NYX: variants seen among roughly 807,000 people sequenced by gnomAD.
The protein encoded by NYX is leucine-rich repeat protein.
For synonymous variants in NYX, 258 were observed against 245.7 expected, an observed-to-expected ratio of 1.05 and a Z score of -0.47; for missense variants, 481 against 485.4, an observed-to-expected ratio of 0.99 and a Z score of 0.09.
rs1399309345 is a variant in NYX, at chrX:41,475,577, A to AG, written c.*683dup. On this transcript the variant is annotated 3_prime_UTR_variant, in exon 3 of 3. Coordinates refer to ENST00000378220, the MANE Select transcript of NYX (RefSeq NM_001378477.3). Reference sequence around the variant, plus strand: ...GCAGGGTAGGGAAAAAAGGGGCAGCAGGGGGTGTGTTTGTGGACAAATAAA... The same window carrying AG: ...GCAGGGTAGGGAAAAAAGGGGCAGCAGGGGGGTGTGTTTGTGGACAAATAAA... 1 of 111,243 alleles carries AG rather than the reference A, an allele frequency of 9.0e-6. No individual in the cohort carries two copies. Among genetic ancestry groups the AG allele is most frequent in the African/African-American group, 3.3e-5 (1 of 30,548 alleles). 9.2% of individuals were successfully genotyped at this position (111,243 alleles called of 1,213,427 possible).
At chrX:41,460,740 T>C (rs1318995855) in intron 2 of NYX, among the ~76,000 whole-genome samples, 2 of 109,261 alleles carry the variant, frequency 1.8e-5, no homozygotes, top group Non-Finnish European at 3.8e-5. Context: ...CCCCCAAGAA[T>C]CATGCCCCAT....
intron 2 of NYX, among the ~76,000 whole-genome samples, chrX:41,450,828 ATTT>A (rs745395959): frequency 0.019 from 1,315 of 68,054 alleles, 35 homozygotes; most frequent in Admixed American, 0.065. Flanking sequence ...ATATATATAT[ATTT>A]TTTTTTTTTT....
intron 2 of NYX, among the ~76,000 whole-genome samples, chrX:41,448,649 C>G (rs1380835504): frequency 9.4e-6 from 1 of 106,811 alleles, no homozygotes; most frequent in Admixed American, 1.0e-4. Context: ...ACCTCCGCCT[C>G]CCGGGTTCAA....
chrX:41,464,384 C>G (rs1244826755), intron 2 of NYX, among the ~76,000 whole-genome samples: 1 of 111,212 alleles, frequency 9.0e-6, no homozygotes. Context: ...AGCGATCCAC[C>G]CACCTCGGCC....
Position 41,475,088 on chromosome X carries a change from C to T in NYX, c.*189C>T, listed in dbSNP as rs2064385848. 4 of 460,733 alleles carry T rather than the reference C, an allele frequency of 8.7e-6. No homozygotes were observed. Among genetic ancestry groups the T allele is most frequent in the Non-Finnish European group, 1.5e-5 (4 of 262,883 alleles). 38.0% of individuals were successfully genotyped at this position (460,733 alleles called of 1,213,427 possible). A position where few individuals can be genotyped will look rare whatever the true frequency, so the allele number is the denominator to read the frequency against. ...AGGGGGAGGATGGTATGGATTTCTG[C>T]TTTTGTCACACGGGCATCCATTGGA... is the stretch of plus-strand genomic sequence containing the variant. On this transcript the variant is annotated 3_prime_UTR_variant, in exon 3 of 3. Coordinates refer to ENST00000378220, the MANE Select transcript of NYX (RefSeq NM_001378477.3).
At chrX:41,472,479 G>A in intron 2 of NYX, 1 of 750,368 alleles carries the variant, frequency 1.3e-6, no homozygotes, top group Admixed American at 2.4e-5. Context: ...AGGGCGGCTC[G>A]GGCCCGCTGC....
Position 41,473,858 on chromosome X carries a change from C to T in NYX, c.390C>T (p.Ser130=). Residue 130 remains serine (S), a synonymous_variant, in exon 3 of 3, where the codon AGC becomes AGT. Coordinates refer to ENST00000378220, the MANE Select transcript of NYX (RefSeq NM_001378477.3). ...ACGCGCGCACCTTCGCGGCGCTCAG[C>T]CGCCTGCGCCGCCTAGACCTAGCAG... ...YLHARTFAAL[S]RLRRLDLAAC... The T allele has an allele frequency of 9.1e-7, 1 of 1,103,534 alleles. No homozygotes were observed. The highest frequency in any genetic ancestry group is 1.2e-6 in the Non-Finnish European group (1 of 849,299). 90.9% of individuals were successfully genotyped at this position (1,103,534 alleles called of 1,213,427 possible).
chrX:41,457,123 A>G (rs2147014428), intron 2 of NYX, among the ~76,000 whole-genome samples: 1 of 110,713 alleles, frequency 9.0e-6, no homozygotes, highest in Non-Finnish European at 1.9e-5. Flanking sequence ...CATGGGCAAC[A>G]TGGTGAAACC....
chrX:41,472,485 G>T, intron 2 of NYX: 1 of 712,493 alleles, frequency 1.4e-6, no homozygotes, highest in Non-Finnish European at 2.2e-6. Flanking sequence ...GCTCGGGCCC[G>T]CTGCTTCTGG....
In NYX at chrX:41,473,800, G is replaced by T; in HGVS notation, c.332G>T (p.Arg111Leu). Reference protein sequence around the residue: ...FKGLPRLAELRLAHNGDLRYL... With the variant: ...FKGLPRLAELLLAHNGDLRYL... ...GGCCTGCCGCGCCTGGCTGAGCTGC[G>T]CCTGGCGCACAACGGCGACCTGCGC... The change falls in exon 3 of 3, where the codon CGC becomes CTC. Residue 111 changes from arginine (R) to leucine (L), a missense_variant. Arg to Leu is a moderately radical substitution (Grantham distance 102, BLOSUM62 -2). Coordinates refer to ENST00000378220, the MANE Select transcript of NYX (RefSeq NM_001378477.3). 2 of 1,126,737 alleles carry T rather than the reference G, an allele frequency of 1.8e-6. No individual in the cohort carries two copies. Among genetic ancestry groups the T allele is most frequent in the South Asian group, 4.1e-5 (2 of 49,150 alleles). 92.9% of individuals were successfully genotyped at this position (1,126,737 alleles called of 1,213,427 possible).
intron 2 of NYX, among the ~76,000 whole-genome samples, chrX:41,461,434 C>T (rs1276528340): frequency 9.2e-6 from 1 of 108,353 alleles, no homozygotes; most frequent in Non-Finnish European, 1.9e-5. Context: ...CACTTGTTAA[C>T]TGATGGGCAT....
intron 2 of NYX, among the ~76,000 whole-genome samples, chrX:41,466,251 G>T (rs187791923): frequency 9.0e-6 from 1 of 110,508 alleles, no homozygotes; most frequent in African/African-American, 3.3e-5. Context: ...GCAACATAGT[G>T]ATACCTTGTC....
At chrX:41,455,800 G>A (rs1406425783) in intron 2 of NYX, among the ~76,000 whole-genome samples, 1 of 111,723 alleles carries the variant, frequency 9.0e-6, no homozygotes, top group African/African-American at 3.3e-5. Context: ...TGTGGTAAAT[G>A]TTTTTCTGGC....
At chrX:41,465,683 A>ATT (rs11353623) in intron 2 of NYX, among the ~76,000 whole-genome samples, 4 of 83,596 alleles carry the variant, frequency 4.8e-5, no homozygotes, top group African/African-American at 1.8e-4. Context: ...ACACCCAGCT[A>ATT]TTTTTTTTTT....
At position 41,451,607 on chromosome X, in the gene NYX, G is replaced by A. The variant is rs181603634; in HGVS notation, c.22+3681G>A. On this transcript the variant is annotated intron_variant, in intron 2 of 2. Transcript: ENST00000378220. ...TGGCTCACTGCAACCTCCGCCTCCC[G>A]GGTTCACGTGATTCTCGTGCCTCAG... Among the ~76,000 whole-genome samples the A allele has an allele frequency of 4.7e-4, 52 of 111,024 alleles. No individual in the cohort carries two copies. In the East Asian group the frequency reaches 7.7e-3, roughly 16 times the overall value.
At chrX:41,447,745 G>GAGGA in intron 1 of NYX, 104 bp from the exon 2 acceptor site, 1 of 576,224 alleles carries the variant, frequency 1.7e-6, no homozygotes, top group African/African-American at 2.2e-5. Flanking sequence ...GAAGGAATGT[G>GAGGA]AGGAAGAAAG....
Position 41,474,277 on chromosome X carries a change from C to T in NYX, c.809C>T (p.Ala270Val). ...ALDRVARAWF[A>V]DLAELELLYL... ...GACCGCGTGGCGCGCGCCTGGTTCG[C>T]TGACCTGGCCGAGCTCGAGCTGCTC... Residue 270 changes from alanine to valine, a missense_variant, in exon 3 of 3, where the codon GCT (alanine) becomes GTT (valine). Transcript: ENST00000378220. 2.5e-6 allele frequency: 3 copies of T among 1,206,539 alleles called. 1 individual carries two copies. The highest frequency in any genetic ancestry group is 3.5e-5 in the South Asian group (2 of 57,060).
intron 2 of NYX, among the ~76,000 whole-genome samples, chrX:41,465,301 CTT>C (rs1408657302): frequency 9.1e-6 from 1 of 110,436 alleles, no homozygotes; most frequent in African/African-American, 3.3e-5. Context: ...TCTGGATTCT[CTT>C]GTCTTCTGTT....
At chrX:41,470,629 G>A (rs1372767894) in intron 2 of NYX, among the ~76,000 whole-genome samples, 2 of 105,350 alleles carry the variant, frequency 1.9e-5, no homozygotes, top group Non-Finnish European at 3.9e-5. Flanking sequence ...GGGAGGCGGA[G>A]GTTGCAGTGG....
Sources: gnomAD v4.1 joint callset for allele counts (sites outside exome capture counted in the v4.1 genomes callset) on GRCh38, gnomAD v4.1.1 for gene constraint, MANE v1.5 for transcripts, NCBI Gene and HGNC (gene_info 2026-07-23, HGNC 2026-07-21) for gene names.